Variants in HNRNPA1L2 observed in about 807,000 individuals in gnomAD.
The protein encoded by HNRNPA1L2 is heterogeneous nuclear ribonucleoprotein A1 like 2.
HNRNPA1L2 carries 10 observed loss-of-function variants against 18.2 expected under a neutral mutation model. That is an observed-to-expected ratio of 0.55 (90% confidence interval 0.34 to 0.93). The LOEUF (loss-of-function observed/expected upper bound fraction) is 0.93, where lower values mean the gene tolerates loss of function less well. Among genes scored for constraint, HNRNPA1L2 ranks in the 40% least tolerant of loss-of-function variants. HNRNPA1L2 has a pLI of 0.02. For synonymous variants in HNRNPA1L2, 124 were observed against 138.6 expected (o/e 0.89, Z 0.74); for missense variants, 308 against 394.4 (o/e 0.78, Z 1.85).
chr13:52,619,399 G>C, the HNRNPA1L2 span, among the ~76,000 whole-genome samples: 3 of 152,052 alleles, frequency 2.0e-5, no homozygotes, highest in Admixed American at 2.0e-4. Context: ...TGCAACCTCT[G>C]CCTCCCTGGT....
At chr13:52,628,052 T>C in the HNRNPA1L2 span, among the ~76,000 whole-genome samples, 1 of 152,202 alleles carries the variant, frequency 6.6e-6, no homozygotes, top group African/African-American at 2.4e-5. Flanking sequence ...GACTCCTTGC[T>C]GCCTACATTG....
At chr13:52,630,316 G>A in the HNRNPA1L2 span, among the ~76,000 whole-genome samples, 10 of 151,998 alleles carry the variant, frequency 6.6e-5, no homozygotes, top group Non-Finnish European at 1.3e-4. Context: ...TCACTCTGTC[G>A]CCCAGGCTGG....
chr13:52,638,373 G>C (rs1328269741), upstream of HNRNPA1L2, among the ~76,000 whole-genome samples: 1 of 152,184 alleles, frequency 6.6e-6, no homozygotes, highest in Non-Finnish European at 1.5e-5. Context: ...TTACTAGCCA[G>C]TGAGGACATT....
At chr13:52,617,638 A>C in the HNRNPA1L2 span, 1 of 469,840 alleles carries the variant, frequency 2.1e-6, no homozygotes. Context: ...CGGAGACATC[A>C]GCGGCTGCAA....
chr13:52,619,885 C>T, the HNRNPA1L2 span, among the ~76,000 whole-genome samples: 8,795 of 135,936 alleles, frequency 0.065, 308 homozygotes, highest in African/African-American at 0.1. Context: ...CGCGCCACTG[C>T]ACTCTAGCCT....
chr13:52,627,447 CCT>C, the HNRNPA1L2 span: 2 of 342,728 alleles, frequency 5.8e-6, no homozygotes, highest in Non-Finnish European at 8.4e-6. Context: ...GAAATGAGCC[CCT>C]GAGTCCTGAG....
chr13:52,628,756 T>G, the HNRNPA1L2 span, among the ~76,000 whole-genome samples: 9,369 of 152,330 alleles, frequency 0.062, 335 homozygotes, highest in African/African-American at 0.095. Flanking sequence ...CTTTTTAAAA[T>G]TTAATTTAAA....
chr13:52,639,694 C>CAAAAAAAAAAAAAAAA (rs10661534), upstream of HNRNPA1L2, among the ~76,000 whole-genome samples: 5 of 73,544 alleles, frequency 6.8e-5, no homozygotes, highest in African/African-American at 2.1e-4. Flanking sequence ...GACCCTGTCT[C>CAAAAAAAAAAAAAAAA]AAAAAAAAAA....
the HNRNPA1L2 span, among the ~76,000 whole-genome samples, chr13:52,634,013 TATCTTA>T: frequency 2.6e-5 from 4 of 152,362 alleles, no homozygotes; most frequent in African/African-American, 9.6e-5. Context: ...AGGAACTAGT[TATCTTA>T]ATCTTAAATT....
chr13:52,620,412 G>T, the HNRNPA1L2 span, among the ~76,000 whole-genome samples: 1 of 152,170 alleles, frequency 6.6e-6, no homozygotes, highest in South Asian at 2.1e-4. Flanking sequence ...TGTAAAACGA[G>T]AATAATAAAA....
chr13:52,635,053 C>T, the HNRNPA1L2 span, among the ~76,000 whole-genome samples: 13 of 152,204 alleles, frequency 8.5e-5, no homozygotes, highest in African/African-American at 3.1e-4. Context: ...TAAGTTATTT[C>T]ATTGGTGTGA....
chr13:52,617,626 C>T, the HNRNPA1L2 span: 4 of 472,926 alleles, frequency 8.5e-6, 1 homozygote, highest in African/African-American at 2.0e-5. Flanking sequence ...CCCCTGGAAG[C>T]CCGGAGACAT....
chr13:52,631,547 G>C, the HNRNPA1L2 span, among the ~76,000 whole-genome samples: 1 of 152,190 alleles, frequency 6.6e-6, no homozygotes, highest in Admixed American at 6.5e-5. Flanking sequence ...GAGCAGAAAA[G>C]CCTTTGTTTA....
the HNRNPA1L2 span, among the ~76,000 whole-genome samples, chr13:52,628,118 A>G: frequency 2.0e-5 from 3 of 152,156 alleles, no homozygotes; most frequent in South Asian, 2.1e-4. Flanking sequence ...GTTATTCCCA[A>G]TGAGCGTGTG....
chr13:52,619,283 A>G, the HNRNPA1L2 span, among the ~76,000 whole-genome samples: 1 of 151,506 alleles, frequency 6.6e-6, no homozygotes, highest in African/African-American at 2.4e-5. Flanking sequence ...ATGAGCCACC[A>G]CGCCCGGCCA....
the HNRNPA1L2 span, among the ~76,000 whole-genome samples, chr13:52,629,010 GGA>G: frequency 6.6e-6 from 1 of 152,044 alleles, no homozygotes; most frequent in Non-Finnish European, 1.5e-5. Flanking sequence ...CAAGTAGCTG[GGA>G]TTACTGGTGC....
the HNRNPA1L2 span, among the ~76,000 whole-genome samples, chr13:52,632,040 A>G: frequency 6.6e-6 from 1 of 152,088 alleles, no homozygotes; most frequent in Non-Finnish European, 1.5e-5. Context: ...TAAACATTGC[A>G]GTGTTTCCTG....
chr13:52,633,679 G>T, the HNRNPA1L2 span, among the ~76,000 whole-genome samples: 1 of 152,142 alleles, frequency 6.6e-6, no homozygotes, highest in Non-Finnish European at 1.5e-5. Context: ...TGGGTATGGT[G>T]GTGCATGCCT....
upstream of HNRNPA1L2, among the ~76,000 whole-genome samples, chr13:52,638,861 A>G (rs1961547593): frequency 2.6e-5 from 4 of 152,246 alleles, no homozygotes; most frequent in Admixed American, 1.3e-4. Context: ...AGTAACTCAT[A>G]CTAGGAAGAA....
Sources: gnomAD v4.1 joint callset for allele counts (sites outside exome capture counted in the v4.1 genomes callset) on GRCh38, gnomAD v4.1.1 for gene constraint, MANE v1.5 for transcripts, NCBI Gene and HGNC (gene_info 2026-07-23, HGNC 2026-07-21) for gene names.